The following SEMA3E variants were observed in gnomAD, a reference collection of about 807,000 sequenced individuals.
SEMA3E encodes the protein semaphorin-3E.
A neutral mutation model predicts 93.6 loss-of-function variants in SEMA3E; 49 were observed. The observed-to-expected ratio is 0.52, with a 90% confidence interval of 0.42 to 0.66. The LOEUF (loss-of-function observed/expected upper bound fraction) is 0.66, where lower values mean the gene tolerates loss of function less well. SEMA3E is among the 30% of genes least tolerant of loss of function. The pLI is 0.00. For synonymous variants in SEMA3E, 363 were observed against 330.7 expected (o/e 1.10, Z -1.06); for missense variants, 906 against 964.8 (o/e 0.94, Z 0.81).
intron 4 of SEMA3E, among the ~76,000 whole-genome samples, chr7:83,441,464 T>C (rs546524883): frequency 4.0e-4 from 61 of 152,326 alleles, no homozygotes; most frequent in African/African-American, 1.4e-3. Context: ...TGGCAATAGT[T>C]GATGCCACTG....
At chr7:83,372,289 TG>T in intron 16 of SEMA3E, 1 of 397,794 alleles carries the variant, frequency 2.5e-6, no homozygotes. Context: ...TGCCTTTACC[TG>T]AAAAAAAAAA....
chr7:83,565,523 C>T (rs1792128547), intron 1 of SEMA3E, among the ~76,000 whole-genome samples: 1 of 152,030 alleles, frequency 6.6e-6, no homozygotes, highest in African/African-American at 2.4e-5. Flanking sequence ...AAAACCAGAA[C>T]TTAAAAAGAA....
At chr7:83,609,713 CTT>C (rs1793208355) in intron 1 of SEMA3E, among the ~76,000 whole-genome samples, 1 of 151,848 alleles carries the variant, frequency 6.6e-6, no homozygotes, top group Non-Finnish European at 1.5e-5. Flanking sequence ...TAAATTAAAA[CTT>C]GGTTTATTTA....
At chr7:83,476,554 T>C (rs1395237357) in intron 2 of SEMA3E, among the ~76,000 whole-genome samples, 1 of 152,210 alleles carries the variant, frequency 6.6e-6, no homozygotes, top group Non-Finnish European at 1.5e-5. Flanking sequence ...TTTGGTATTT[T>C]AAAACAGTTT....
intron 2 of SEMA3E, among the ~76,000 whole-genome samples, chr7:83,482,482 G>A (rs569719761): frequency 3.6e-4 from 53 of 147,606 alleles, no homozygotes; most frequent in Non-Finnish European, 6.4e-4. Flanking sequence ...GAAGAATGGC[G>A]TGAACCCAGG....
intron 1 of SEMA3E, among the ~76,000 whole-genome samples, chr7:83,563,351 A>G (rs1792076696): frequency 6.6e-6 from 1 of 152,180 alleles, no homozygotes; most frequent in Non-Finnish European, 1.5e-5. Flanking sequence ...TTATTTTGCC[A>G]TTGCTTTACC....
chr7:83,555,714 C>A (rs569512518), intron 1 of SEMA3E, among the ~76,000 whole-genome samples: 25 of 152,298 alleles, frequency 1.6e-4, no homozygotes, highest in African/African-American at 5.0e-4. Flanking sequence ...ATCTGTCTGG[C>A]ATCTTCATGA....
At chr7:83,620,419 C>T (rs898500064) in intron 1 of SEMA3E, among the ~76,000 whole-genome samples, 3 of 152,054 alleles carry the variant, frequency 2.0e-5, no homozygotes, top group African/African-American at 7.2e-5. Context: ...ACCAGACGTA[C>T]AAAGAGGAGC....
At chr7:83,435,444 A>C (rs1788985034) in intron 4 of SEMA3E, among the ~76,000 whole-genome samples, 1 of 152,040 alleles carries the variant, frequency 6.6e-6, no homozygotes, top group Non-Finnish European at 1.5e-5. Context: ...AAAAATACAA[A>C]AACTAGCTGG....
intron 1 of SEMA3E, among the ~76,000 whole-genome samples, chr7:83,622,718 A>G (rs901901126): frequency 6.6e-6 from 1 of 152,210 alleles, no homozygotes; most frequent in African/African-American, 2.4e-5. Context: ...TCCTCGGCAA[A>G]CTAACACAGG....
At chr7:83,382,964 A>C (rs1422580562) in intron 16 of SEMA3E, among the ~76,000 whole-genome samples, 1 of 151,948 alleles carries the variant, frequency 6.6e-6, no homozygotes, top group Non-Finnish European at 1.5e-5. Context: ...ATCCACATGA[A>C]TATGTTGCTT....
In SEMA3E at chr7:83,396,626, T is replaced by C; in HGVS notation, c.1458+12A>G. On this transcript the variant is annotated intron_variant, in intron 12 of 16. Transcript: ENST00000643230. ...ATGCATAAATTTGGTCTGTATTTTT[T>C]GCTTTAAATACCTTGAATATCTGAA... The C allele has an allele frequency of 1.3e-6, 2 of 1,527,882 alleles. No homozygotes were observed. 94.6% of individuals were successfully genotyped at this position (1,527,882 alleles called of 1,614,324 possible). A position where few individuals can be genotyped will look rare whatever the true frequency, so the allele number is the denominator to read the frequency against.
chr7:83,477,910 A>C (rs1347119798), intron 2 of SEMA3E, among the ~76,000 whole-genome samples: 1 of 144,928 alleles, frequency 6.9e-6, no homozygotes, highest in South Asian at 2.2e-4. Flanking sequence ...ATACAAATTA[A>C]GTAATGTAAT....
chr7:83,548,981 C>T (rs761057125), intron 1 of SEMA3E, among the ~76,000 whole-genome samples: 1 of 152,068 alleles, frequency 6.6e-6, no homozygotes, highest in Non-Finnish European at 1.5e-5. Flanking sequence ...CAGCCTATCA[C>T]AACATATGCT....
At chr7:83,563,476 G>T (rs215275) in intron 1 of SEMA3E, among the ~76,000 whole-genome samples, 2 of 152,090 alleles carry the variant, frequency 1.3e-5, no homozygotes, top group Admixed American at 6.5e-5. Context: ...GGTGGTCTCT[G>T]GACCAGCAAC....
intron 1 of SEMA3E, among the ~76,000 whole-genome samples, chr7:83,596,572 G>A (rs1373116608): frequency 1.3e-5 from 2 of 152,016 alleles, no homozygotes. Flanking sequence ...ATACATATAT[G>A]AAAAATTCAT....
At chr7:83,488,552 T>G (rs2115970363) in intron 2 of SEMA3E, among the ~76,000 whole-genome samples, 1 of 152,288 alleles carries the variant, frequency 6.6e-6, no homozygotes, top group East Asian at 1.9e-4. Context: ...ACCTAGAATT[T>G]TATATCCATC....
intron 1 of SEMA3E, among the ~76,000 whole-genome samples, chr7:83,584,696 T>C (rs572733401): frequency 6.6e-6 from 1 of 152,252 alleles, no homozygotes; most frequent in Admixed American, 6.5e-5. Flanking sequence ...GTTCCTGTAA[T>C]ATTGACAATA....
intron 1 of SEMA3E, among the ~76,000 whole-genome samples, chr7:83,591,636 C>T (rs933655889): frequency 2.0e-5 from 3 of 151,934 alleles, no homozygotes; most frequent in Non-Finnish European, 4.4e-5. Flanking sequence ...CCATATAAAA[C>T]TGCCATTTTT....
Sources: allele counts gnomAD v4.1 joint callset (sites outside exome capture counted in the v4.1 genomes callset), GRCh38; gene constraint gnomAD v4.1.1; transcripts MANE v1.5; gene names NCBI Gene and HGNC (gene_info 2026-07-23, HGNC 2026-07-21).